TMEM132B: variants seen among roughly 807,000 people sequenced by gnomAD.
The protein encoded by TMEM132B is transmembrane protein 132B.
In TMEM132B, 18 loss-of-function variants were observed where a neutral mutation model predicts 90.8. That is an observed-to-expected ratio of 0.20 (90% confidence interval 0.14 to 0.29). The LOEUF (loss-of-function observed/expected upper bound fraction) is 0.29, where lower values mean the gene tolerates loss of function less well. TMEM132B is among the 10% of genes least tolerant of loss of function. The pLI is 1.00. For missense variants in TMEM132B, 1,096 were observed against 1,326.8 expected (o/e 0.83, Z 2.70); for synonymous variants, 504 against 523.3 (o/e 0.96, Z 0.50).
chr12:125,552,378 G>T lies in TMEM132B; in HGVS notation c.1294-31473G>T, dbSNP rs554006724. On this transcript the variant is annotated intron_variant, in intron 4 of 8. Coordinates refer to ENST00000682704, the MANE Select transcript of TMEM132B (RefSeq NM_001366854.1). ...CACGTTTTCTAGGCAGAGACAGAGGGGGGTGCCCTGGTGTCTGAGGCATTG... is the reference window on the plus strand; with the variant it reads ...CACGTTTTCTAGGCAGAGACAGAGGTGGGTGCCCTGGTGTCTGAGGCATTG... Among the ~76,000 whole-genome samples the T allele has an allele frequency of 2.0e-3, 301 of 152,302 alleles. 3 individuals carry two copies. The highest frequency in any genetic ancestry group is 3.3e-3 in the Admixed American group (51 of 15,298).
At chr12:125,256,331 C>T (rs369799913) in intron 1 of TMEM132B, among the ~76,000 whole-genome samples, 2 of 152,248 alleles carry the variant, frequency 1.3e-5, no homozygotes, top group South Asian at 2.1e-4. Flanking sequence ...AGCTGTGCTG[C>T]GAGGAAGGTC....
intron 1 of TMEM132B, among the ~76,000 whole-genome samples, chr12:125,202,600 A>G (rs1188169813): frequency 6.6e-6 from 1 of 152,180 alleles, no homozygotes; most frequent in Admixed American, 6.5e-5. Flanking sequence ...CCCTCTCCAT[A>G]TGGCAGGTTG....
intron 3 of TMEM132B, among the ~76,000 whole-genome samples, chr12:125,448,888 C>T (rs907470935): frequency 2.0e-5 from 3 of 151,156 alleles, no homozygotes; most frequent in African/African-American, 7.3e-5. Flanking sequence ...GGGTATCTTA[C>T]TGTGATTTTA....
Position 125,490,918 on chromosome 12 carries a change from T to G in TMEM132B, c.1107-28521T>G, listed in dbSNP as rs1882334700. On this transcript the variant is annotated intron_variant, in intron 3 of 8. Transcript: ENST00000682704. The surrounding 1 kb of genome is among the most constrained non-coding windows in gnomAD (Gnocchi z 4.2). ...CTTGGATCATTCATTCTGGAGGAAG[T>G]TAGCTACCATGGTGTAAGGACACTC... Among the ~76,000 whole-genome samples the G allele has an allele frequency of 6.6e-6, 1 of 152,200 alleles. No individual in the cohort carries two copies. Among genetic ancestry groups the G allele is most frequent in the Non-Finnish European group, 1.5e-5 (1 of 68,042 alleles).
intron 6 of TMEM132B, among the ~76,000 whole-genome samples, chr12:125,647,343 A>T (rs939367936): frequency 6.6e-6 from 1 of 152,254 alleles, no homozygotes; most frequent in Non-Finnish European, 1.5e-5. Context: ...AAGAGACATA[A>T]ACACATAGTT....
intron 4 of TMEM132B, among the ~76,000 whole-genome samples, chr12:125,568,590 A>G (rs1182936424): frequency 6.6e-6 from 1 of 152,196 alleles, no homozygotes; most frequent in African/African-American, 2.4e-5. Context: ...TGTCAGATAC[A>G]GAGACTGAGC....
At chr12:125,228,330 A>T (rs952173686) in intron 1 of TMEM132B, among the ~76,000 whole-genome samples, 7 of 152,172 alleles carry the variant, frequency 4.6e-5, no homozygotes, top group African/African-American at 1.4e-4. Flanking sequence ...GTGTGTGAAC[A>T]ATTGCAGATG....
intron 1 of TMEM132B, among the ~76,000 whole-genome samples, chr12:125,312,177 A>G (rs1475136175): frequency 6.6e-6 from 1 of 152,230 alleles, no homozygotes; most frequent in Non-Finnish European, 1.5e-5. Context: ...GACTCTCCAT[A>G]TGCTCCATTG....
chr12:125,622,667 A>G (rs1443068910), intron 5 of TMEM132B: 3 of 985,300 alleles, frequency 3.0e-6, no homozygotes, highest in Non-Finnish European at 3.6e-6. Context: ...GTAGCACTGA[A>G]CAGATCTGAA....
At position 125,597,554 on chromosome 12, in the gene TMEM132B, A is replaced by G. The variant is rs540608369; in HGVS notation, c.1437+13560A>G. Reference sequence around the variant, plus strand: ...GCAGGCACTGTATCTATCTTTGTATATTACAGCACTGGGCTCATTGTATGT... The same window carrying G: ...GCAGGCACTGTATCTATCTTTGTATGTTACAGCACTGGGCTCATTGTATGT... On this transcript the variant is annotated intron_variant, in intron 5 of 8. Transcript: ENST00000682704. Among the ~76,000 whole-genome samples, 5 of 152,364 alleles carry G rather than the reference A, an allele frequency of 3.3e-5. No homozygotes were observed. In the East Asian group the frequency reaches 9.6e-4, roughly 29 times the overall value.
chr12:125,311,407 C>T lies in TMEM132B; in HGVS notation c.68-38045C>T, dbSNP rs867076120. ...TTCCCAGAACACACGTGGCAGCTGA[C>T]GGCAATTCCATCCTTCCAGTTTGCT... is the stretch of plus-strand genomic sequence containing the variant. On this transcript the variant is annotated intron_variant, in intron 1 of 8. Coordinates refer to ENST00000682704, the MANE Select transcript of TMEM132B (RefSeq NM_001366854.1). Among the ~76,000 whole-genome samples, 7 of 152,156 alleles carry T rather than the reference C, an allele frequency of 4.6e-5. No individual in the cohort carries two copies. In the South Asian group the frequency reaches 6.2e-4, roughly 14 times the overall value.
At chr12:125,207,388 C>T (rs1226739574) in intron 1 of TMEM132B, among the ~76,000 whole-genome samples, 1 of 152,124 alleles carries the variant, frequency 6.6e-6, no homozygotes, top group Non-Finnish European at 1.5e-5. Context: ...GCTTACATTC[C>T]ATTAAGAATG....
At chr12:125,231,802 C>G (rs184043565) in intron 1 of TMEM132B, among the ~76,000 whole-genome samples, 19 of 151,816 alleles carry the variant, frequency 1.3e-4, no homozygotes, top group Non-Finnish European at 2.8e-4. Context: ...TTGTACCGAT[C>G]CCTATTAATA....
chr12:125,263,222 A>G (rs111363360), intron 1 of TMEM132B, among the ~76,000 whole-genome samples: 10 of 152,246 alleles, frequency 6.6e-5, no homozygotes, highest in African/African-American at 2.4e-4. Flanking sequence ...CACTTCACCT[A>G]ACACCGGATG....
At position 125,405,960 on chromosome 12, in the gene TMEM132B, A is replaced by G. The variant is rs951825940; in HGVS notation, c.960-9571A>G. On this transcript the variant is annotated intron_variant, in intron 2 of 8. Coordinates refer to ENST00000682704, the MANE Select transcript of TMEM132B (RefSeq NM_001366854.1). ...AGTTTGGACAGGACAGTTTATTATCATCAAGGCATTTGGTAGTATTGTCTT... is the reference window on the plus strand; with the variant it reads ...AGTTTGGACAGGACAGTTTATTATCGTCAAGGCATTTGGTAGTATTGTCTT... Among the ~76,000 whole-genome samples, 4 of 152,298 alleles carry G rather than the reference A, an allele frequency of 2.6e-5. No individual in the cohort carries two copies. The East Asian group carries it at 5.8e-4, about 22-fold the overall frequency.
At chr12:125,325,360 G>C (rs1242057981) in intron 1 of TMEM132B, among the ~76,000 whole-genome samples, 1 of 152,200 alleles carries the variant, frequency 6.6e-6, no homozygotes, top group South Asian at 2.1e-4. Context: ...GACCTTCAAA[G>C]CAGCGCCCAG....
Position 125,459,599 on chromosome 12 carries a change from A to G in TMEM132B, c.1106+43922A>G, listed in dbSNP as rs1881383390. Among the ~76,000 whole-genome samples, 1 of 152,256 alleles carries G rather than the reference A, an allele frequency of 6.6e-6. No homozygotes were observed. Among genetic ancestry groups the G allele is most frequent in the Admixed American group, 6.5e-5 (1 of 15,288 alleles). On this transcript the variant is annotated intron_variant, in intron 3 of 8. Transcript: ENST00000682704. The surrounding 1 kb of genome is among the most constrained non-coding windows in gnomAD (Gnocchi z 4.1). ...TTACAAAGAATGAATAAGACCTACT[A>G]TTTGATAGCACAACAGGGTGACTGT...
At chr12:125,450,009 C>T (rs1321723604) in intron 3 of TMEM132B, among the ~76,000 whole-genome samples, 1 of 152,066 alleles carries the variant, frequency 6.6e-6, no homozygotes, top group East Asian at 1.9e-4. Flanking sequence ...ACTGTGTATT[C>T]ACATTTGTAC....
chr12:125,546,486 G>C (rs1048254607), intron 4 of TMEM132B, among the ~76,000 whole-genome samples: 2 of 152,142 alleles, frequency 1.3e-5, no homozygotes, highest in Non-Finnish European at 2.9e-5. Flanking sequence ...CCGGCTGCAA[G>C]TATTGTCTTT....
Sources: gnomAD v4.1 joint callset for allele counts (sites outside exome capture counted in the v4.1 genomes callset) on GRCh38, gnomAD v4.1.1 for gene constraint, Gnocchi (gnomAD v3.1) non-coding constraint, MANE v1.5 for transcripts, NCBI Gene and HGNC (gene_info 2026-07-23, HGNC 2026-07-21) for gene names.